ZNF804A: variants seen among roughly 807,000 people sequenced by gnomAD.
ZNF804A encodes the protein zinc finger protein 804A.
A neutral mutation model predicts 16.5 loss-of-function variants in ZNF804A; 2 were observed. The observed-to-expected ratio is 0.12, with a 90% CI of 0.05 to 0.38. The LOEUF is 0.38. ZNF804A is among the 10% of genes least tolerant of loss of function. The pLI is 0.99. For missense variants in ZNF804A, 1,473 were observed against 1,390.7 expected (o/e 1.06, Z -0.94); for synonymous variants, 534 against 489.6 (o/e 1.09, Z -1.20).
At chr2:184,816,521 A>AT (rs1358190616) in intron 1 of ZNF804A, among the ~76,000 whole-genome samples, 5 of 151,934 alleles carry the variant, frequency 3.3e-5, no homozygotes, top group Admixed American at 1.3e-4. Flanking sequence ...CTGGGTATTT[A>AT]TTTTTACAAT....
intron 2 of ZNF804A, among the ~76,000 whole-genome samples, chr2:184,906,879 G>T (rs1229988957): frequency 6.6e-6 from 1 of 152,138 alleles, no homozygotes; most frequent in Non-Finnish European, 1.5e-5. Context: ...AGCATGAGAA[G>T]AATTTGACAC....
chr2:184,623,093 A>C (rs1691443283), intron 1 of ZNF804A, among the ~76,000 whole-genome samples: 1 of 152,112 alleles, frequency 6.6e-6, no homozygotes, highest in South Asian at 2.1e-4. Context: ...TATTGTAGTC[A>C]TAGAAGAGGT....
chr2:184,924,669 T>C (rs369143997), intron 2 of ZNF804A, among the ~76,000 whole-genome samples: 3 of 151,690 alleles, frequency 2.0e-5, no homozygotes, highest in Admixed American at 6.6e-5. Flanking sequence ...TTGTCTTCTT[T>C]TTTAGTTTGC....
At chr2:184,613,773 G>A (rs992948264) in intron 1 of ZNF804A, among the ~76,000 whole-genome samples, 6 of 151,964 alleles carry the variant, frequency 3.9e-5, no homozygotes, top group African/African-American at 1.5e-4. Flanking sequence ...CACTGCTCAA[G>A]GAAATAAGAG....
At chr2:184,697,302 G>A (rs1408620115) in intron 1 of ZNF804A, among the ~76,000 whole-genome samples, 1 of 151,996 alleles carries the variant, frequency 6.6e-6, no homozygotes, top group Non-Finnish European at 1.5e-5. Context: ...AAGAGATAAG[G>A]AAGATGAGAA....
chr2:184,899,911 G>C (rs1386186909), intron 2 of ZNF804A, among the ~76,000 whole-genome samples: 1 of 151,818 alleles, frequency 6.6e-6, no homozygotes, highest in Non-Finnish European at 1.5e-5. Context: ...AAGAAAATGA[G>C]ATACATTTTT....
rs1047259839 is a variant in ZNF804A, at chr2:184,603,384, T to C, written c.111+4314T>C. On this transcript the variant is annotated intron_variant, in intron 1 of 3. Transcript: ENST00000302277. ...TCATGTGTGTTAATTTTGAAAAACC[T>C]GAAAAAATTCTGTGTTATTTCCCTT... 3.9e-5 allele frequency among the ~76,000 whole-genome samples: 6 copies of C among 152,214 alleles called. No individual in the cohort carries two copies. In the East Asian group the frequency reaches 9.6e-4, roughly 24 times the overall value.
intron 1 of ZNF804A, among the ~76,000 whole-genome samples, chr2:184,704,228 G>T (rs188959683): frequency 6.6e-6 from 1 of 150,414 alleles, no homozygotes; most frequent in African/African-American, 2.4e-5. Context: ...CTCTACTCAC[G>T]GCAACCCCCG....
chr2:184,919,120 T>A (rs1458189391), intron 2 of ZNF804A, among the ~76,000 whole-genome samples: 1 of 152,144 alleles, frequency 6.6e-6, no homozygotes, highest in African/African-American at 2.4e-5. Flanking sequence ...GTGTGGAATA[T>A]CATAAATGCA....
intron 1 of ZNF804A, among the ~76,000 whole-genome samples, chr2:184,702,748 C>G (rs1431078149): frequency 2.6e-5 from 4 of 152,102 alleles, no homozygotes; most frequent in African/African-American, 9.7e-5. Flanking sequence ...CAGCAATTTA[C>G]AGTTAATATT....
chr2:184,800,005 T>G (rs1057274229), intron 1 of ZNF804A, among the ~76,000 whole-genome samples: 1 of 152,178 alleles, frequency 6.6e-6, no homozygotes, highest in Non-Finnish European at 1.5e-5. Context: ...TTTTCTTTTG[T>G]GTGAGTTTTG....
At chr2:184,618,957 A>C (rs1350707389) in intron 1 of ZNF804A, among the ~76,000 whole-genome samples, 3 of 152,216 alleles carry the variant, frequency 2.0e-5, no homozygotes, top group African/African-American at 7.2e-5. Context: ...AGAGTATAAG[A>C]AGATAAAAAG....
chr2:184,875,317 C>T (rs1226584033), intron 2 of ZNF804A, among the ~76,000 whole-genome samples: 3 of 152,132 alleles, frequency 2.0e-5, no homozygotes, highest in African/African-American at 7.2e-5. Flanking sequence ...TGGGCTGATC[C>T]TTTATGAATG....
chr2:184,849,674 T>C (rs1352057263), intron 1 of ZNF804A, among the ~76,000 whole-genome samples: 1 of 151,968 alleles, frequency 6.6e-6, no homozygotes, highest in African/African-American at 2.4e-5. Flanking sequence ...AGGATAGTAT[T>C]GAAGTGCTTC....
chr2:184,810,853 C>A (rs922202466), intron 1 of ZNF804A, among the ~76,000 whole-genome samples: 1 of 152,080 alleles, frequency 6.6e-6, no homozygotes, highest in African/African-American at 2.4e-5. Flanking sequence ...ATATGGATTT[C>A]CACCAGAATA....
chr2:184,627,739 G>A (rs189610275), intron 1 of ZNF804A, among the ~76,000 whole-genome samples: 1 of 152,238 alleles, frequency 6.6e-6, no homozygotes, highest in East Asian at 1.9e-4. Context: ...AGATTGCATA[G>A]GTAGCTAAGA....
chr2:184,728,475 C>G (rs893757506), intron 1 of ZNF804A, among the ~76,000 whole-genome samples: 2 of 151,830 alleles, frequency 1.3e-5, no homozygotes, highest in African/African-American at 4.8e-5. Context: ...CAATAGTCAG[C>G]AAATATCCAT....
intron 2 of ZNF804A, among the ~76,000 whole-genome samples, chr2:184,923,539 C>A (rs1685564737): frequency 6.6e-6 from 1 of 151,800 alleles, no homozygotes; most frequent in Non-Finnish European, 1.5e-5. Flanking sequence ...CCTTTTATTT[C>A]TTTCTCTTGT....
rs537364224 is a variant in ZNF804A, at chr2:184,716,597, T to C, written c.111+117527T>C. Among the ~76,000 whole-genome samples the C allele has an allele frequency of 2.0e-5, 3 of 152,268 alleles. No homozygotes were observed. In the South Asian group the frequency reaches 6.2e-4, roughly 32 times the overall value. ...AATAAAAGACAGGATGAATTAAATA[T>C]CTCAATTTTGTGTAAGAATATCATA... is the stretch of plus-strand genomic sequence containing the variant. On this transcript the variant is annotated intron_variant, in intron 1 of 3. Coordinates refer to ENST00000302277, the MANE Select transcript of ZNF804A (RefSeq NM_194250.2).
Sources: gnomAD v4.1 joint callset for allele counts (sites outside exome capture counted in the v4.1 genomes callset) on GRCh38, gnomAD v4.1.1 for gene constraint, MANE v1.5 for transcripts, NCBI Gene and HGNC (gene_info 2026-07-23, HGNC 2026-07-21) for gene names.